TANC2: variants seen among roughly 807,000 people sequenced by gnomAD.
The protein encoded by TANC2 is tetratricopeptide repeat, ankyrin repeat and coiled-coil containing 2.
TANC2 carries 26 observed loss-of-function variants against 210.5 expected under a neutral mutation model. The observed-to-expected ratio is 0.12, with a 90% CI of 0.09 to 0.17. The LOEUF (loss-of-function observed/expected upper bound fraction) is 0.17. Among genes scored for constraint, TANC2 ranks in the 10% least tolerant of loss-of-function variants. The pLI is 1.00. For missense variants in TANC2, 2,129 were observed against 2,608.9 expected, an observed-to-expected ratio of 0.82 and a Z score of 4.01; for synonymous variants, 931 against 967.1, an observed-to-expected ratio of 0.96 and a Z score of 0.69.
At chr17:63,232,936 G>A (rs979543999) in intron 7 of TANC2, among the ~76,000 whole-genome samples, 5 of 152,230 alleles carry the variant, frequency 3.3e-5, no homozygotes, top group Admixed American at 6.5e-5. Flanking sequence ...AGTTCTGTTC[G>A]TAAACCTCTG....
chr17:63,183,908 T>A lies in TANC2; in HGVS notation c.434-10083T>A, dbSNP rs368599139. On this transcript the variant is annotated intron_variant, in intron 5 of 27. Transcript: ENST00000689528. ...GGCGGGCACCTGTAGTCCCAGCTAC[T>A]CAAAAGGCTGAGGCAGGAGAATGGC... 1.2e-4 allele frequency among the ~76,000 whole-genome samples: 18 copies of A among 151,768 alleles called. No individual in the cohort carries two copies. In the East Asian group the frequency reaches 3.3e-3, roughly 28 times the overall value.
At chr17:63,405,645 A>G (rs1274350379) in intron 20 of TANC2, among the ~76,000 whole-genome samples, 2 of 152,168 alleles carry the variant, frequency 1.3e-5, no homozygotes, top group Non-Finnish European at 2.9e-5. Flanking sequence ...ATCCTTTTAG[A>G]TGTTTGGATT....
chr17:63,330,212 A>G (rs2045790664), intron 11 of TANC2, among the ~76,000 whole-genome samples: 1 of 152,272 alleles, frequency 6.6e-6, no homozygotes, highest in Non-Finnish European at 1.5e-5. Context: ...AGCTTCAGAA[A>G]AAGAGTTTGA....
chr17:63,364,907 T>A (rs1272511193), intron 14 of TANC2, among the ~76,000 whole-genome samples: 1 of 152,228 alleles, frequency 6.6e-6, no homozygotes. Context: ...AGAGCTTTTT[T>A]AAGGTGGATA....
chr17:63,405,776 G>C (rs1454717014), intron 20 of TANC2, among the ~76,000 whole-genome samples: 1 of 152,184 alleles, frequency 6.6e-6, no homozygotes, highest in Admixed American at 6.5e-5. Flanking sequence ...AGTTACCAGA[G>C]TCACTTGATT....
intron 9 of TANC2, among the ~76,000 whole-genome samples, chr17:63,287,577 G>C (rs2044262733): frequency 6.6e-6 from 1 of 151,948 alleles, no homozygotes; most frequent in Admixed American, 6.6e-5. Context: ...TTTCTGTCTT[G>C]CCTTAATCAT....
intron 3 of TANC2, among the ~76,000 whole-genome samples, chr17:63,089,546 T>C (rs1177889810): frequency 6.6e-6 from 1 of 152,144 alleles, no homozygotes; most frequent in East Asian, 1.9e-4. Context: ...GGTAAGGATT[T>C]GGGTTCTAAT....
rs2039761381 is a variant in TANC2 at position 63,154,276 on chromosome 17, G to GA, written c.433+2896_433+2897insA. 4 of 152,230 alleles carry GA rather than the reference G, an allele frequency of 2.6e-5. No individual in the cohort carries two copies. In the South Asian group the frequency reaches 8.3e-4, roughly 32 times the overall value. 9.4% of individuals were successfully genotyped at this position (152,230 alleles called of 1,614,324 possible). On this transcript the variant is annotated intron_variant, in intron 5 of 27. Coordinates refer to ENST00000689528, the Ensembl canonical transcript of TANC2. ...TTGTCTAGGGTCACAAGCAGGATTT[G>GA]TTGTTCAGCTCTTGAAGTGGACACA...
At chr17:63,112,019 C>T (rs547004174) in intron 4 of TANC2, among the ~76,000 whole-genome samples, 3 of 152,156 alleles carry the variant, frequency 2.0e-5, no homozygotes, top group African/African-American at 4.8e-5. Context: ...CCACCGCGCC[C>T]GGCCATTGCT....
exon 12 of TANC2, chr17:63,340,274 A>G (rs1272466535): frequency 1.2e-6 from 2 of 1,613,830 alleles, no homozygotes; most frequent in African/African-American, 2.7e-5. Flanking sequence ...CCTGTGTTCA[A>G]GACCCCATGG....
chr17:63,070,782 TC>T (rs1275004209), intron 2 of TANC2, among the ~76,000 whole-genome samples: 2 of 152,212 alleles, frequency 1.3e-5, no homozygotes, highest in African/African-American at 4.8e-5. Context: ...TGTTTGTTCA[TC>T]CAGTATCGAA....
intron 1 of TANC2, among the ~76,000 whole-genome samples, chr17:62,992,470 ATACTAT>A (rs1302701283): frequency 2.6e-5 from 4 of 152,226 alleles, no homozygotes; most frequent in African/African-American, 9.7e-5. Flanking sequence ...CATAATGAGT[ATACTAT>A]TAGTCCAGTA....
intron 10 of TANC2, 22 bp from the exon 11 acceptor site, chr17:63,318,934 AC>A (rs767332416): frequency 1.9e-6 from 3 of 1,611,454 alleles, no homozygotes; most frequent in African/African-American, 1.3e-5. Flanking sequence ...TCTGATGCAA[AC>A]ATCTAAATCT....
exon 14 of TANC2, chr17:63,355,358 A>G: frequency 6.3e-7 from 1 of 1,593,816 alleles, no homozygotes; most frequent in Non-Finnish European, 8.5e-7. Flanking sequence ...GGAGAGAAGA[A>G]GGAGAGAAAA....
intron 9 of TANC2, among the ~76,000 whole-genome samples, chr17:63,292,560 T>G (rs763156539): frequency 2.6e-5 from 4 of 152,196 alleles, no homozygotes; most frequent in Non-Finnish European, 4.4e-5. Context: ...ATTGCAAACA[T>G]GGTTCTTTCC....
intron 2 of TANC2, among the ~76,000 whole-genome samples, chr17:63,028,882 G>C (rs1457852253): frequency 6.6e-6 from 1 of 151,528 alleles, no homozygotes; most frequent in African/African-American, 2.4e-5. Context: ...AAGGGAAAAA[G>C]GAAAACAATT....
At chr17:63,276,899 CAACTT>C (rs1302096235) in intron 9 of TANC2, among the ~76,000 whole-genome samples, 2 of 152,082 alleles carry the variant, frequency 1.3e-5, no homozygotes, top group African/African-American at 2.4e-5. Flanking sequence ...ATGTCATAGA[CAACTT>C]AATATAAAAA....
intron 15 of TANC2, among the ~76,000 whole-genome samples, chr17:63,384,774 T>C (rs1359368966): frequency 6.6e-6 from 1 of 152,022 alleles, no homozygotes; most frequent in African/African-American, 2.4e-5. Flanking sequence ...GTAGAAGAAA[T>C]TGTCTGGGAT....
At chr17:63,337,337 T>G (rs1325010641) in intron 11 of TANC2, among the ~76,000 whole-genome samples, 2 of 152,104 alleles carry the variant, frequency 1.3e-5, no homozygotes, top group Non-Finnish European at 2.9e-5. Flanking sequence ...ATATCATATT[T>G]TTTACTATAA....
Sources: gnomAD v4.1 joint callset for allele counts (sites outside exome capture counted in the v4.1 genomes callset) on GRCh38, gnomAD v4.1.1 for gene constraint, MANE v1.5 for transcripts, NCBI Gene and HGNC (gene_info 2026-07-23, HGNC 2026-07-21) for gene names.